Variants in LAMA2 observed in about 807,000 individuals in gnomAD.
LAMA2 encodes laminin subunit alpha 2.
Under a neutral mutation model 364.8 loss-of-function variants are expected in LAMA2, and 269 were observed. The observed-to-expected ratio is 0.74, with a 90% CI of 0.67 to 0.82. The LOEUF is 0.82. Among genes scored for constraint, LAMA2 ranks in the 40% least tolerant of loss-of-function variants. The probability of loss-of-function intolerance (pLI) is 0.00; values close to 1 mark genes in which losing one functional copy is unlikely to be tolerated. For synonymous variants in LAMA2, 1,379 were observed against 1,370.6 expected (o/e 1.01, Z -0.14); for missense variants, 3,807 against 3,873.2 (o/e 0.98, Z 0.45).
At chr6:129,058,718 T>C (rs1310665418) in intron 2 of LAMA2, among the ~76,000 whole-genome samples, 1 of 152,202 alleles carries the variant, frequency 6.6e-6, no homozygotes, top group Non-Finnish European at 1.5e-5. Context: ...TTTTGCCCTC[T>C]GAAGGTTTGC....
chr6:129,046,821 T>C (rs1315482105), intron 1 of LAMA2, among the ~76,000 whole-genome samples: 1 of 152,226 alleles, frequency 6.6e-6, no homozygotes, highest in Non-Finnish European at 1.5e-5. Flanking sequence ...TTGTTTTTTC[T>C]TTCTTCATTT....
At chr6:129,462,740 GTGTTTGTT>G (rs72343617) in intron 49 of LAMA2, among the ~76,000 whole-genome samples, 2 of 151,648 alleles carry the variant, frequency 1.3e-5, no homozygotes, top group African/African-American at 2.4e-5. Flanking sequence ...AGAACTCCTG[GTGTTTGTT>G]TGTTTGTTTG....
chr6:129,095,665 C>G (rs1775130405), intron 3 of LAMA2, among the ~76,000 whole-genome samples: 1 of 150,452 alleles, frequency 6.6e-6, no homozygotes, highest in African/African-American at 2.5e-5. Flanking sequence ...AATCCCAACA[C>G]TTTGTGAGGC....
rs759442502 is a variant in LAMA2, at chr6:129,438,738, G to C, written c.6061G>C (p.Gly2021Arg). The C allele has an allele frequency of 3.1e-6, 5 of 1,589,738 alleles. No homozygotes were observed. The highest frequency in any genetic ancestry group is 4.3e-6 in the Non-Finnish European group (5 of 1,158,358). The change falls in exon 42 of 65, where the codon GGA becomes CGA. Residue 2021 changes from glycine (G) to arginine (R), a missense_variant. By Grantham distance (125) the Gly-to-Arg change is moderately radical. This residue lies in a region of LAMA2 where 3,333 missense variants were observed against 3,345.7 expected (regional missense o/e 1.00). Coordinates refer to ENST00000421865, the MANE Select transcript of LAMA2 (RefSeq NM_000426.4). ...DLLRTLNDTL[G>R]KLSAIPNDTA... ...CTTGAGAACTTTGAATGACACTTTG[G>C]GAAAGTTATCAGCTATTCCAAATGG...
intron 12 of LAMA2, among the ~76,000 whole-genome samples, chr6:129,242,389 A>G (rs1350119689): frequency 6.6e-6 from 1 of 152,146 alleles, no homozygotes; most frequent in Non-Finnish European, 1.5e-5. Context: ...CTATTTGACA[A>G]TAGCAAGCCT....
chr6:129,407,722 A>C (rs1361870520), intron 40 of LAMA2, among the ~76,000 whole-genome samples: 1 of 152,102 alleles, frequency 6.6e-6, no homozygotes, highest in African/African-American at 2.4e-5. Flanking sequence ...GGGTGACCCA[A>C]ACCTTTATTC....
At chr6:128,951,866 CG>C (rs1472093010) in intron 1 of LAMA2, among the ~76,000 whole-genome samples, 16 of 152,140 alleles carry the variant, frequency 1.1e-4, no homozygotes, top group Admixed American at 2.0e-4. Flanking sequence ...CCTCAACACT[CG>C]GCATTTCAGG....
chr6:129,256,755 TTATATAGCA>T (rs1458187672), intron 14 of LAMA2, among the ~76,000 whole-genome samples: 50 of 85,494 alleles, frequency 5.8e-4, no homozygotes, highest in Non-Finnish European at 1.0e-3. Context: ...AAAAAACAAA[TTATATAGCA>T]TATATATATA....
chr6:129,366,847 T>A (rs1777806302), intron 33 of LAMA2, among the ~76,000 whole-genome samples: 1 of 152,206 alleles, frequency 6.6e-6, no homozygotes, highest in Non-Finnish European at 1.5e-5. Context: ...CCTTACCACA[T>A]TTGAACCAGA....
At chr6:129,506,070 G>A (rs1786045223) in intron 61 of LAMA2, among the ~76,000 whole-genome samples, 1 of 152,016 alleles carries the variant, frequency 6.6e-6, no homozygotes, top group African/African-American at 2.4e-5. Flanking sequence ...TAAAGTGATT[G>A]GGTTGGGCAT....
intron 19 of LAMA2, among the ~76,000 whole-genome samples, chr6:129,291,246 A>G (rs527936525): frequency 3.9e-5 from 6 of 152,364 alleles, no homozygotes; most frequent in Admixed American, 3.9e-4. Flanking sequence ...AAGAACTCCA[A>G]GTTCCTGTCA....
rs561816139 is a variant in LAMA2, at chr6:128,975,699, T to A, written c.113-74219T>A. On this transcript the variant is annotated intron_variant, in intron 1 of 64. Coordinates refer to ENST00000421865, the MANE Select transcript of LAMA2 (RefSeq NM_000426.4). The stretch of plus-strand genomic sequence containing the variant: ...ATAAGTCTCACGAGATCTGATGATT[T>A]TATAAAGGAGAGTTCCCCTGCACAT... Among the ~76,000 whole-genome samples the A allele has an allele frequency of 3.9e-5, 6 of 152,264 alleles. No individual in the cohort carries two copies. The South Asian group carries it at 1.2e-3, about 32-fold the overall frequency.
intron 12 of LAMA2, among the ~76,000 whole-genome samples, chr6:129,228,795 TC>T (rs896573189): frequency 6.6e-6 from 1 of 152,210 alleles, no homozygotes; most frequent in African/African-American, 2.4e-5. Flanking sequence ...AACACCTTTC[TC>T]CAGCTGTGGC....
At chr6:129,397,901 C>A (rs1421559454) in intron 37 of LAMA2, among the ~76,000 whole-genome samples, 2 of 144,370 alleles carry the variant, frequency 1.4e-5, no homozygotes, top group Non-Finnish European at 3.0e-5. Flanking sequence ...TGCTCCACTG[C>A]ACTCCAGCCT....
intron 11 of LAMA2, among the ~76,000 whole-genome samples, chr6:129,191,946 TAA>T (rs1290139877): frequency 1.3e-5 from 2 of 152,176 alleles, no homozygotes; most frequent in Non-Finnish European, 2.9e-5. Context: ...GGCTGAAGCA[TAA>T]AGATGTAAAA....
chr6:129,486,151 T>C (rs1244607122), intron 55 of LAMA2, among the ~76,000 whole-genome samples: 1 of 152,168 alleles, frequency 6.6e-6, no homozygotes, highest in Non-Finnish European at 1.5e-5. Context: ...GGAGAGGGAT[T>C]TTGTTGACAC....
chr6:129,143,947 C>T lies in LAMA2; in HGVS notation c.686C>T (p.Ser229Phe), dbSNP rs1488309680. 2 of 1,611,496 alleles carry T rather than the reference C, an allele frequency of 1.2e-6. No individual in the cohort carries two copies. Among genetic ancestry groups the T allele is most frequent in the Non-Finnish European group, 8.5e-7 (1 of 1,178,214 alleles). Residue 229 changes from serine (S) to phenylalanine (F), a missense_variant, in exon 5 of 65, where the codon TCT becomes TTT. This residue lies in a region of LAMA2 where 394 missense variants were observed against 403.5 expected (regional missense o/e 0.98). Transcript: ENST00000421865. ...INGRPSADDPSPELLEFTSAR... is the reference protein window; with the variant it reads ...INGRPSADDPFPELLEFTSAR... The stretch of plus-strand genomic sequence containing the variant: ...GGGAGACCAAGTGCCGATGATCCTT[C>T]TCCAGAACTGCTAGAATTTACCTCC...
chr6:129,254,236 C>T (rs956575047), intron 14 of LAMA2, among the ~76,000 whole-genome samples: 1 of 152,142 alleles, frequency 6.6e-6, no homozygotes, highest in Non-Finnish European at 1.5e-5. Context: ...AGCAAATGGG[C>T]TTAGGTTCCT....
At position 129,090,760 on chromosome 6, in the gene LAMA2, C is replaced by T. The variant is rs1285464060; in HGVS notation, c.397-7413C>T. On this transcript the variant is annotated intron_variant, in intron 3 of 64. Coordinates refer to ENST00000421865, the MANE Select transcript of LAMA2 (RefSeq NM_000426.4). ...TGGCACAACCACTTTATAGATTGTG[C>T]TATGTGCTTCCATCACACTGCAGAA... Among the ~76,000 whole-genome samples the T allele has an allele frequency of 2.6e-5, 4 of 152,148 alleles. No homozygotes were observed. The East Asian group carries it at 7.7e-4, about 29-fold the overall frequency.
Sources: gnomAD v4.1 joint callset for allele counts (sites outside exome capture counted in the v4.1 genomes callset) on GRCh38, gnomAD v4.1.1 for gene constraint, gnomAD v4.1.1 regional missense constraint, MANE v1.5 for transcripts, NCBI Gene and HGNC (gene_info 2026-07-23, HGNC 2026-07-21) for gene names.